The following TEX11 variants were observed in gnomAD, a reference collection of about 807,000 sequenced individuals.
TEX11 encodes testis-expressed protein 11.
In TEX11, 7 loss-of-function variants were observed where a neutral mutation model predicts 84.4. The ratio of observed to expected loss-of-function variants is 0.08; its 90% CI spans 0.05 to 0.16. The LOEUF (loss-of-function observed/expected upper bound fraction) is 0.16, where lower values mean the gene tolerates loss of function less well. Among genes scored for constraint, TEX11 ranks in the 10% least tolerant of loss-of-function variants. The pLI is 1.00. For missense variants in TEX11, 551 were observed against 660.5 expected (o/e 0.83, Z 1.82); for synonymous variants, 264 against 222.8 (o/e 1.18, Z -1.64).
At chrX:70,521,043 C>T in the TEX11 span, among the ~76,000 whole-genome samples, 1 of 111,766 alleles carries the variant, frequency 8.9e-6, no homozygotes, top group Non-Finnish European at 1.9e-5. Flanking sequence ...CAGTCTGTCA[C>T]GGCTTCCCTT....
At chrX:70,847,698 T>C (rs1279929466) in intron 7 of TEX11, among the ~76,000 whole-genome samples, 3 of 111,166 alleles carry the variant, frequency 2.7e-5, no homozygotes, top group African/African-American at 3.3e-5. Flanking sequence ...TGTGCCACCA[T>C]GCCTGGCTAA....
At chrX:70,657,315 CA>C in intron 16 of TEX11, among the ~76,000 whole-genome samples, 1 of 109,537 alleles carries the variant, frequency 9.1e-6, no homozygotes, top group Admixed American at 9.7e-5. Flanking sequence ...CAAACCAAAC[CA>C]AAAACAAAAA....
Position 70,559,010 on chromosome X carries a change from G to A in TEX11, c.2141-4210C>T, listed in dbSNP as rs745684933. Among the ~76,000 whole-genome samples the A allele has an allele frequency of 5.4e-5, 6 of 112,119 alleles. No homozygotes were observed. The South Asian group carries it at 2.2e-3, about 42-fold the overall frequency. Reference sequence around the variant, plus strand: ...AGCTGCTTTGAAAAACACTCTGGCAGTTCCTCAAATGATTAAACATAGGGT... The same window carrying A: ...AGCTGCTTTGAAAAACACTCTGGCAATTCCTCAAATGATTAAACATAGGGT... On this transcript the variant is annotated intron_variant, in intron 25 of 29. Coordinates refer to ENST00000374333, the MANE Select transcript of TEX11 (RefSeq NM_031276.3).
At chrX:70,879,089 AG>A (rs2091670070) in intron 3 of TEX11, among the ~76,000 whole-genome samples, 1 of 111,318 alleles carries the variant, frequency 9.0e-6, no homozygotes, top group Non-Finnish European at 1.9e-5. Flanking sequence ...GACCAAAAGT[AG>A]ATTAGTGGTT....
chrX:70,832,353 T>TA (rs1192904388), intron 8 of TEX11, among the ~76,000 whole-genome samples: 1 of 112,153 alleles, frequency 8.9e-6, no homozygotes, highest in Non-Finnish European at 1.9e-5. Context: ...CCATTTTCTA[T>TA]ATAGAACATT....
chrX:70,555,620 G>A (rs923616428), intron 25 of TEX11, among the ~76,000 whole-genome samples: 2 of 111,737 alleles, frequency 1.8e-5, no homozygotes, highest in African/African-American at 6.5e-5. Flanking sequence ...TTTTCATGAG[G>A]AATCTTGGTC....
At chrX:70,874,965 AGGTGTTCGAGACCAGCCTGGCCAACAT>A (rs2091648185) in intron 3 of TEX11, among the ~76,000 whole-genome samples, 1 of 109,204 alleles carries the variant, frequency 9.2e-6, no homozygotes. Context: ...GCCTGAGGTC[AGGTGTTCGAGACCAGCCTGGCCAACAT>A]GGTCAAACCC....
At chrX:70,584,807 C>T (rs73540784) in intron 25 of TEX11, among the ~76,000 whole-genome samples, 9,301 of 111,360 alleles carry the variant, frequency 0.084, 856 homozygotes, top group African/African-American at 0.27. Context: ...TTCATTGATG[C>T]AGAAAAATCA....
At chrX:70,864,814 C>T (rs1160968863) in intron 4 of TEX11, among the ~76,000 whole-genome samples, 3 of 108,191 alleles carry the variant, frequency 2.8e-5, no homozygotes, top group Non-Finnish European at 5.7e-5. Flanking sequence ...ATAAGCTTCA[C>T]GAGCAAAAGA....
chrX:70,659,260 A>G (rs890222688), intron 16 of TEX11, among the ~76,000 whole-genome samples: 1 of 112,390 alleles, frequency 8.9e-6, no homozygotes, highest in African/African-American at 3.2e-5. Context: ...GACACTAAGA[A>G]AAAGACAACC....
chrX:70,775,136 T>C (rs1372493332), intron 9 of TEX11, among the ~76,000 whole-genome samples: 1 of 111,703 alleles, frequency 9.0e-6, no homozygotes, highest in Non-Finnish European at 1.9e-5. Context: ...TAGATATCCA[T>C]ATGCAGGAGA....
At chrX:70,819,764 C>T (rs752932925) in intron 8 of TEX11, among the ~76,000 whole-genome samples, 1 of 111,659 alleles carries the variant, frequency 9.0e-6, no homozygotes, top group African/African-American at 3.2e-5. Context: ...GTATCAGTGA[C>T]GTTTCTATAC....
intron 25 of TEX11, among the ~76,000 whole-genome samples, chrX:70,561,681 C>A (rs921594760): frequency 2.7e-5 from 3 of 110,698 alleles, no homozygotes; most frequent in African/African-American, 6.6e-5. Context: ...CCACCGTGCC[C>A]AGCCCAAATT....
chrX:70,574,181 A>G (rs2088642330), intron 25 of TEX11, among the ~76,000 whole-genome samples: 1 of 112,172 alleles, frequency 8.9e-6, no homozygotes, highest in Non-Finnish European at 1.9e-5. Flanking sequence ...GATTTGCTAT[A>G]TATAGAGACT....
downstream of TEX11, among the ~76,000 whole-genome samples, chrX:70,525,921 C>T (rs764351900): frequency 6.3e-5 from 7 of 111,450 alleles, no homozygotes; most frequent in Non-Finnish European, 1.3e-4. Context: ...GGGCCTGCTT[C>T]GATGCCATGT....
chrX:70,812,180 T>C (rs2091259289), intron 8 of TEX11, among the ~76,000 whole-genome samples: 1 of 103,798 alleles, frequency 9.6e-6, no homozygotes, highest in Non-Finnish European at 2.0e-5. Flanking sequence ...TTAGGACTAA[T>C]ATTTAAGTCT....
intron 2 of TEX11, among the ~76,000 whole-genome samples, chrX:70,899,762 A>T (rs2091791693): frequency 9.6e-6 from 1 of 104,097 alleles, no homozygotes; most frequent in African/African-American, 3.5e-5. Context: ...CAAAACATAC[A>T]AATATTAGCC....
chrX:70,829,923 G>A (rs2091368011), intron 8 of TEX11, among the ~76,000 whole-genome samples: 1 of 110,676 alleles, frequency 9.0e-6, no homozygotes, highest in South Asian at 3.8e-4. Flanking sequence ...AGGAAGACAG[G>A]AAAGAAAGAA....
chrX:70,852,999 C>T (rs768854182), intron 7 of TEX11, 35 bp downstream of exon 7: 2 of 1,190,111 alleles, frequency 1.7e-6, no homozygotes, highest in Non-Finnish European at 2.3e-6. Context: ...ATGGAAAATG[C>T]CCCACTGGAA....
Sources: gnomAD v4.1 joint callset for allele counts (sites outside exome capture counted in the v4.1 genomes callset) on GRCh38, gnomAD v4.1.1 for gene constraint, MANE v1.5 for transcripts, NCBI Gene and HGNC (gene_info 2026-07-23, HGNC 2026-07-21) for gene names.